The following RANGAP1 variants were observed in gnomAD, a reference collection of about 807,000 sequenced individuals.
RANGAP1 encodes the protein Ran GTPase activating protein 1, also known as ran GTPase-activating protein 1.
In RANGAP1, 38 loss-of-function variants were observed where a neutral mutation model predicts 63.5. That is an observed-to-expected ratio of 0.60 (90% CI 0.46 to 0.78). RANGAP1 has a LOEUF of 0.78. RANGAP1 is among the 30% of genes least tolerant of loss of function. The probability of loss-of-function intolerance (pLI) is 0.00; values close to 1 mark genes in which losing one functional copy is unlikely to be tolerated. For synonymous variants in RANGAP1, 329 were observed against 310.5 expected, an observed-to-expected ratio of 1.06 and a Z score of -0.63; for missense variants, 630 against 740.3, an observed-to-expected ratio of 0.85 and a Z score of 1.73.
At chr22:41,294,513 A>C in the RANGAP1 span, among the ~76,000 whole-genome samples, 1 of 138,006 alleles carries the variant, frequency 7.2e-6, no homozygotes, top group Admixed American at 7.2e-5. Flanking sequence ...CTGGCCGCCC[A>C]TCGTCTGGGA....
At chr22:41,268,716 G>A (rs1222482395) in intron 3 of RANGAP1, among the ~76,000 whole-genome samples, 3 of 152,140 alleles carry the variant, frequency 2.0e-5, no homozygotes, top group Non-Finnish European at 2.9e-5. Context: ...CTAGGTGGAC[G>A]TGTGACGTGG....
upstream of RANGAP1, among the ~76,000 whole-genome samples, chr22:41,287,761 C>T (rs1241325647): frequency 2.0e-5 from 3 of 151,412 alleles, no homozygotes; most frequent in Non-Finnish European, 4.4e-5. Context: ...CCGAGGCGGG[C>T]GGATCACCTG....
At position 41,256,809 on chromosome 22, in the gene RANGAP1, G is replaced by T; in HGVS notation, c.790C>A (p.Arg264=). The T allele has an allele frequency of 1.2e-6, 2 of 1,613,884 alleles. No individual in the cohort carries two copies. The highest frequency in any genetic ancestry group is 2.2e-5 in the East Asian group (1 of 44,872). Residue 264 remains arginine, a synonymous_variant, in exon 8 of 16, where the codon CGG becomes AGG. Transcript: ENST00000356244. ...VAMAETLKTL[R]QVEVINFGDC... is the part of the protein sequence containing the mutation. Reference sequence around the variant, plus strand: ...CCAAAATTAATCACCTCCACCTGCCGCAAGGTCTTCAAGGTCTGTGAGGGG... The same window carrying T: ...CCAAAATTAATCACCTCCACCTGCCTCAAGGTCTTCAAGGTCTGTGAGGGG...
intron 7 of RANGAP1, 93 bp from the exon 8 acceptor site, chr22:41,256,917 C>G: frequency 2.3e-6 from 2 of 859,938 alleles, no homozygotes; most frequent in Admixed American, 4.2e-5. Flanking sequence ...ACATCCCAAG[C>G]CAGCCACCAC....
chr22:41,246,815 C>T lies in RANGAP1; in HGVS notation c.1695-143G>A, dbSNP rs1009321601. 25 of 776,928 alleles carry T rather than the reference C, an allele frequency of 3.2e-5. No homozygotes were observed. The Admixed American group carries it at 4.3e-4, about 13-fold the overall frequency. The allele number at this position is 776,928 out of a possible 1,614,324, so 48.1% of individuals were successfully genotyped here. ...AGACATTAGCCCTCTGCCTTCTGCACACCGTGGGTGGGGATGGGAGGTGCG... is the reference window on the plus strand; with the variant it reads ...AGACATTAGCCCTCTGCCTTCTGCATACCGTGGGTGGGGATGGGAGGTGCG... On this transcript the variant is annotated intron_variant, in intron 15 of 15. Transcript: ENST00000356244.
At chr22:41,288,789 G>A (rs566919334), upstream of RANGAP1, among the ~76,000 whole-genome samples, 2 of 152,074 alleles carry the variant, frequency 1.3e-5, no homozygotes, top group South Asian at 4.1e-4. Flanking sequence ...GCTTGTCGGG[G>A]CTTGGTGGGG....
At chr22:41,286,927 G>C (rs1007363887), upstream of RANGAP1, among the ~76,000 whole-genome samples, 2 of 152,172 alleles carry the variant, frequency 1.3e-5, no homozygotes, top group African/African-American at 4.8e-5. Flanking sequence ...GGAAATGTCT[G>C]TATTATGTAA....
At chr22:41,254,625 G>A in intron 10 of RANGAP1, 131 bp from the exon 11 acceptor site, 1 of 1,482,202 alleles carries the variant, frequency 6.7e-7, no homozygotes. Flanking sequence ...GGGAGCACCT[G>A]CTCCCAGGGC....
At chr22:41,247,903 A>C (rs1449818195) in intron 15 of RANGAP1, among the ~76,000 whole-genome samples, 1 of 152,242 alleles carries the variant, frequency 6.6e-6, no homozygotes, top group Non-Finnish European at 1.5e-5. Flanking sequence ...CCCAGGGGGC[A>C]GACTGAGGCC....
rs1601618526 is a variant in RANGAP1, at chr22:41,257,885, T to C, written c.774+63A>G. 6.6e-7 allele frequency: 1 copy of C among 1,520,246 alleles called. No homozygotes were observed. 94.2% of individuals were successfully genotyped at this position (1,520,246 alleles called of 1,614,324 possible). On this transcript the variant is annotated intron_variant, in intron 7 of 15. Transcript: ENST00000356244. This position sits in a 1 kb window ranked among gnomAD's most constrained non-coding sequence, Gnocchi z 4.0. ...CTGCTAAACGGAGCCCCAGCTTCCC[T>C]GGAAAGACAGCAGCCAGCCTCTATC...
At chr22:41,289,258 G>T (rs2145874683), upstream of RANGAP1, among the ~76,000 whole-genome samples, 1 of 152,186 alleles carries the variant, frequency 6.6e-6, no homozygotes, top group East Asian at 1.9e-4. Context: ...TACAAATGGG[G>T]AGACTGGGGT....
chr22:41,293,760 C>CAAAA, the RANGAP1 span, among the ~76,000 whole-genome samples: 4 of 54,686 alleles, frequency 7.3e-5, no homozygotes, highest in Admixed American at 4.5e-4. Flanking sequence ...GACTCTGTCT[C>CAAAA]AAAAAAAAAA....
Position 41,254,376 on chromosome 22 carries a change from G to A in RANGAP1, c.1192C>T (p.Pro398Ser), listed in dbSNP as rs1555929860. ...TTCTCTCCCTGCCCTCGCTGCTGAG[G>A]CTCTTCTTCCTCCTCCTCCTCCTCT... ...EEEEEEEEEE[P>S]QQRGQGEKSA... Residue 398 changes from proline (P) to serine (S), a missense_variant, in exon 11 of 16, where the codon CCT becomes TCT. Physicochemically the swap from Pro to Ser is moderately conservative, Grantham distance 74. Coordinates refer to ENST00000356244, the MANE Select transcript of RANGAP1 (RefSeq NM_002883.4). 1.2e-6 allele frequency: 2 copies of A among 1,613,916 alleles called. No homozygotes were observed. Among genetic ancestry groups the A allele is most frequent in the Admixed American group, 3.3e-5 (2 of 59,996 alleles).
rs773432350 is a variant in RANGAP1, at chr22:41,246,632, T to C, written c.1735A>G (p.Ser579Gly). ...ALESCSFARH[S>G]LLQTLYKV Reference sequence around the variant, plus strand: ...ACCTTGTACAGCGTCTGCAGCAGACTGTGGCGGGCGAAGGAGCAGGATTCC... The same window carrying C: ...ACCTTGTACAGCGTCTGCAGCAGACCGTGGCGGGCGAAGGAGCAGGATTCC... The change falls in exon 16 of 16, where the codon AGT becomes GGT. Residue 579 changes from serine to glycine, a missense_variant. This residue lies in a region of RANGAP1 where 428 missense variants were observed against 465.5 expected (regional missense o/e 0.92). Coordinates refer to ENST00000356244, the MANE Select transcript of RANGAP1 (RefSeq NM_002883.4). 3 of 1,563,916 alleles carry C rather than the reference T, an allele frequency of 1.9e-6. No homozygotes were observed. The highest frequency in any genetic ancestry group is 2.6e-6 in the Non-Finnish European group (3 of 1,153,260).
At chr22:41,252,411 A>T (rs923061592) in intron 12 of RANGAP1, among the ~76,000 whole-genome samples, 1 of 152,218 alleles carries the variant, frequency 6.6e-6, no homozygotes, top group Admixed American at 6.5e-5. Context: ...AGTGCCTGGC[A>T]GAAAATGGAT....
intron 3 of RANGAP1, among the ~76,000 whole-genome samples, chr22:41,272,433 T>C (rs573831648): frequency 4.6e-5 from 7 of 152,194 alleles, no homozygotes; most frequent in African/African-American, 1.4e-4. Flanking sequence ...TGGCCCCCAG[T>C]CCCATATTCC....
intron 1 of RANGAP1, chr22:41,282,358 C>T (rs561008520): frequency 3.3e-5 from 5 of 152,178 alleles, no homozygotes; most frequent in Admixed American, 6.5e-5. Flanking sequence ...CTCGCTCAGT[C>T]GCCCAGGCTG....
intron 1 of RANGAP1, chr22:41,285,682 G>C: frequency 1.0e-6 from 1 of 985,336 alleles, no homozygotes; most frequent in Non-Finnish European, 1.2e-6. Context: ...TGGAATCCCC[G>C]GCGGACTCGC....
chr22:41,249,162 C>CCAATG (rs2033256681), intron 15 of RANGAP1, among the ~76,000 whole-genome samples, 168 bp downstream of exon 15: 1 of 152,226 alleles, frequency 6.6e-6, no homozygotes, highest in African/African-American at 2.4e-5. Context: ...TGGTGAGACT[C>CCAATG]CAATGCAGAT....
Sources: gnomAD v4.1 joint callset for allele counts (sites outside exome capture counted in the v4.1 genomes callset) on GRCh38, gnomAD v4.1.1 for gene constraint, gnomAD v4.1.1 regional missense constraint, Gnocchi (gnomAD v3.1) non-coding constraint, MANE v1.5 for transcripts, NCBI Gene and HGNC (gene_info 2026-07-23, HGNC 2026-07-21) for gene names.